CTNNA2: variants seen among roughly 807,000 people sequenced by gnomAD.
The protein encoded by CTNNA2 is catenin alpha 2.
CTNNA2 carries 42 observed loss-of-function variants against 101.0 expected under a neutral mutation model. That is an observed-to-expected ratio of 0.42 (90% CI 0.32 to 0.54). The LOEUF (loss-of-function observed/expected upper bound fraction) is 0.54. Ranked by LOEUF, CTNNA2 falls within the 20% of genes least tolerant of loss-of-function variation. The pLI is 0.14. For missense variants in CTNNA2, 871 were observed against 1,223.1 expected (o/e 0.71, Z 4.29); for synonymous variants, 450 against 456.4 (o/e 0.99, Z 0.18).
chr2:79,955,869 C>A (rs912582860), intron 7 of CTNNA2, among the ~76,000 whole-genome samples: 1 of 152,126 alleles, frequency 6.6e-6, no homozygotes. Flanking sequence ...CATCACCTGG[C>A]CTCTGCTAGG....
chr2:80,162,636 G>T (rs1488227474), intron 7 of CTNNA2: 11 of 1,611,970 alleles, frequency 6.8e-6, no homozygotes, highest in Non-Finnish European at 9.3e-6. Flanking sequence ...GTAGGGATGA[G>T]AATTCATTCT....
At chr2:80,587,714 T>G (rs977093134) in intron 14 of CTNNA2, among the ~76,000 whole-genome samples, 9 of 152,202 alleles carry the variant, frequency 5.9e-5, no homozygotes, top group African/African-American at 2.2e-4. Context: ...ATTTTTCTTG[T>G]GTTATTTTAC....
At chr2:79,627,212 G>A (rs1679376994) in intron 1 of CTNNA2, among the ~76,000 whole-genome samples, 1 of 152,238 alleles carries the variant, frequency 6.6e-6, no homozygotes, top group Non-Finnish European at 1.5e-5. Context: ...AATAGAGAAT[G>A]TGTTGTGTCA....
At chr2:79,733,743 T>C (rs988214243) in intron 2 of CTNNA2, among the ~76,000 whole-genome samples, 8 of 152,068 alleles carry the variant, frequency 5.3e-5, no homozygotes, top group Non-Finnish European at 1.5e-5. Context: ...CAAAAATCAA[T>C]ATAGAGTCCT....
intron 1 of CTNNA2, among the ~76,000 whole-genome samples, chr2:79,571,066 T>C (rs1014070823): frequency 1.3e-5 from 2 of 152,198 alleles, no homozygotes; most frequent in African/African-American, 2.4e-5. Flanking sequence ...ATCTCTTTTA[T>C]GAATAGCCTA....
chr2:79,850,057 A>G (rs1220307586), intron 3 of CTNNA2, among the ~76,000 whole-genome samples: 1 of 152,176 alleles, frequency 6.6e-6, no homozygotes, highest in Non-Finnish European at 1.5e-5. Flanking sequence ...ATGCACAGGG[A>G]GTCACAAATC....
At chr2:80,561,512 G>A (rs1693590974) in intron 12 of CTNNA2, among the ~76,000 whole-genome samples, 1 of 152,186 alleles carries the variant, frequency 6.6e-6, no homozygotes, top group Non-Finnish European at 1.5e-5. Context: ...AGTTTCCCAT[G>A]TTCCATTCCC....
intron 7 of CTNNA2, among the ~76,000 whole-genome samples, chr2:80,042,553 C>T (rs1453497208): frequency 6.6e-6 from 1 of 152,088 alleles, no homozygotes; most frequent in African/African-American, 2.4e-5. Context: ...AAATCTTCAT[C>T]TAAAGGGTTA....
intron 1 of CTNNA2, among the ~76,000 whole-genome samples, chr2:79,194,668 A>C (rs1673934977): frequency 6.6e-6 from 1 of 152,172 alleles, no homozygotes; most frequent in African/African-American, 2.4e-5. Context: ...AGTCAGTCTC[A>C]AGATGTGGCA....
chr2:80,201,670 C>T lies in CTNNA2; in HGVS notation c.1057-191541C>T, dbSNP rs557152654. On this transcript the variant is annotated intron_variant, in intron 7 of 18. Transcript: ENST00000402739. ...GATTACAGGCGTGAGCCACCGTGCC[C>T]GGCCACAATAATTCTTTTTCTAATC... Among the ~76,000 whole-genome samples, 149 of 152,194 alleles carry T rather than the reference C, an allele frequency of 9.8e-4. 2 individuals are homozygous for T. The highest frequency in any genetic ancestry group is 2.8e-3 in the African/African-American group (118 of 41,546).
At chr2:80,577,607 CAGTT>C (rs1440673551) in intron 13 of CTNNA2, among the ~76,000 whole-genome samples, 1 of 150,148 alleles carries the variant, frequency 6.7e-6, no homozygotes, top group Non-Finnish European at 1.5e-5. Flanking sequence ...GAAGCAAGAT[CAGTT>C]AGGAACCTCC....
chr2:79,742,360 T>C (rs1558888777), intron 2 of CTNNA2, among the ~76,000 whole-genome samples: 1 of 151,894 alleles, frequency 6.6e-6, no homozygotes, highest in Non-Finnish European at 1.5e-5. Flanking sequence ...TAAAAAAAAA[T>C]AGATTATGAA....
intron 7 of CTNNA2, among the ~76,000 whole-genome samples, chr2:80,043,704 C>A (rs770116121): frequency 5.9e-5 from 9 of 152,322 alleles, no homozygotes; most frequent in Non-Finnish European, 1.3e-4. Flanking sequence ...TGATGTCATA[C>A]AGTCTGTTAA....
At chr2:79,777,005 T>C (rs564219336) in intron 3 of CTNNA2, 1 of 152,224 alleles carries the variant, frequency 6.6e-6, no homozygotes, top group African/African-American at 2.4e-5. Flanking sequence ...CTCGTGTATG[T>C]GAGACCTGCT....
intron 2 of CTNNA2, among the ~76,000 whole-genome samples, chr2:79,262,877 T>C (rs1271964028): frequency 6.6e-6 from 1 of 152,114 alleles, no homozygotes; most frequent in Non-Finnish European, 1.5e-5. Flanking sequence ...ACTCAGAAAA[T>C]ATTTATGGGT....
At chr2:79,797,346 G>A (rs1675797275) in intron 3 of CTNNA2, among the ~76,000 whole-genome samples, 1 of 152,016 alleles carries the variant, frequency 6.6e-6, no homozygotes, top group South Asian at 2.1e-4. Context: ...TGTTTAAATG[G>A]GAGACTTCAG....
chr2:79,882,185 T>A (rs923445756), intron 6 of CTNNA2, among the ~76,000 whole-genome samples: 2 of 152,216 alleles, frequency 1.3e-5, no homozygotes, highest in African/African-American at 4.8e-5. Context: ...GCTGTTAGTC[T>A]GATGGACTTC....
intron 2 of CTNNA2, among the ~76,000 whole-genome samples, chr2:79,652,958 A>G (rs1159670720): frequency 6.6e-6 from 1 of 152,146 alleles, no homozygotes; most frequent in African/African-American, 2.4e-5. Context: ...ATCTCTTTAT[A>G]ATCTGTCCTT....
chr2:79,272,284 A>T (rs1281539841), intron 2 of CTNNA2, among the ~76,000 whole-genome samples: 2 of 152,080 alleles, frequency 1.3e-5, no homozygotes, highest in Non-Finnish European at 2.9e-5. Flanking sequence ...AAGATTTCAG[A>T]TCTCTTCCTG....
Sources: allele counts gnomAD v4.1 joint callset (sites outside exome capture counted in the v4.1 genomes callset), GRCh38; gene constraint gnomAD v4.1.1; transcripts MANE v1.5; gene names NCBI Gene and HGNC (gene_info 2026-07-23, HGNC 2026-07-21).